The following COL25A1 variants were observed in gnomAD, a reference collection of about 807,000 sequenced individuals.
COL25A1 encodes the protein collagen alpha-1(XXV) chain.
In COL25A1, 103 loss-of-function variants were observed where a neutral mutation model predicts 128.4. The ratio of observed to expected loss-of-function variants is 0.80; its 90% CI spans 0.68 to 0.94. The LOEUF (loss-of-function observed/expected upper bound fraction) is 0.94. Among genes scored for constraint, COL25A1 ranks in the 40% least tolerant of loss-of-function variants. The pLI, the probability that COL25A1 is intolerant of heterozygous loss-of-function variation, is 0.00. For synonymous variants in COL25A1, 279 were observed against 277.2 expected (o/e 1.01, Z -0.06); for missense variants, 745 against 840.0 (o/e 0.89, Z 1.40).
intron 3 of COL25A1, among the ~76,000 whole-genome samples, chr4:109,165,684 T>A (rs1773003614): frequency 1.3e-5 from 2 of 152,150 alleles, no homozygotes; most frequent in Non-Finnish European, 2.9e-5. Flanking sequence ...GCCACTGCAC[T>A]CCAGCCTGAG....
intron 3 of COL25A1, among the ~76,000 whole-genome samples, chr4:109,251,750 T>C (rs1229933890): frequency 3.3e-5 from 5 of 152,230 alleles, no homozygotes; most frequent in East Asian, 1.9e-4. Context: ...ATTTTGCTAG[T>C]TGGTCACTAA....
intron 16 of COL25A1, among the ~76,000 whole-genome samples, chr4:108,892,122 T>G (rs1272023830): frequency 7.3e-6 from 1 of 137,688 alleles, no homozygotes; most frequent in African/African-American, 2.6e-5. Context: ...AAACAGTGTG[T>G]GTTTATAATC....
intron 32 of COL25A1, among the ~76,000 whole-genome samples, chr4:108,828,890 G>A (rs1159936418): frequency 4.6e-5 from 7 of 152,260 alleles, no homozygotes; most frequent in Middle Eastern, 3.4e-3. Context: ...CCAGATTCCC[G>A]TGTGAGCAAA....
At chr4:109,235,779 A>C (rs1263085269) in intron 3 of COL25A1, among the ~76,000 whole-genome samples, 1 of 152,146 alleles carries the variant, frequency 6.6e-6, no homozygotes, top group Non-Finnish European at 1.5e-5. Flanking sequence ...AATTAGGGCT[A>C]AGTGTAATGT....
intron 6 of COL25A1, among the ~76,000 whole-genome samples, chr4:108,991,004 C>A (rs1423839877): frequency 1.3e-5 from 2 of 152,102 alleles, no homozygotes; most frequent in Non-Finnish European, 2.9e-5. Flanking sequence ...TCATCAAATG[C>A]ATATAAAATT....
intron 3 of COL25A1, among the ~76,000 whole-genome samples, chr4:109,176,409 G>A (rs1238759957): frequency 6.6e-6 from 1 of 152,094 alleles, no homozygotes; most frequent in Admixed American, 6.6e-5. Flanking sequence ...CAAAGCTAGA[G>A]ATGAGACTTG....
intron 3 of COL25A1, among the ~76,000 whole-genome samples, chr4:109,190,395 G>A (rs1438358056): frequency 1.3e-5 from 2 of 152,120 alleles, no homozygotes; most frequent in African/African-American, 4.8e-5. Flanking sequence ...CATTCAGATT[G>A]AGGAAGGAAG....
At chr4:108,977,302 C>T (rs1752530047) in intron 6 of COL25A1, among the ~76,000 whole-genome samples, 1 of 152,070 alleles carries the variant, frequency 6.6e-6, no homozygotes, top group South Asian at 2.1e-4. Context: ...TATCTCTTAC[C>T]CCCAAAATCA....
chr4:109,099,178 C>T (rs1026325882), intron 3 of COL25A1, among the ~76,000 whole-genome samples: 7 of 152,140 alleles, frequency 4.6e-5, no homozygotes, highest in Non-Finnish European at 8.8e-5. Flanking sequence ...AAAATCAAAA[C>T]CATAAACCTG....
At chr4:109,005,947 C>T (rs1480012904) in intron 6 of COL25A1, among the ~76,000 whole-genome samples, 1 of 151,908 alleles carries the variant, frequency 6.6e-6, no homozygotes, top group Non-Finnish European at 1.5e-5. Flanking sequence ...CAAATTTTGA[C>T]ATTTTAGGTC....
At chr4:108,820,397 C>T (rs1476050233) in intron 35 of COL25A1, among the ~76,000 whole-genome samples, 1 of 152,178 alleles carries the variant, frequency 6.6e-6, no homozygotes, top group Non-Finnish European at 1.5e-5. Context: ...TGAAATGTAT[C>T]CAACTTTATG....
chr4:109,195,293 C>T (rs952660172), intron 3 of COL25A1, among the ~76,000 whole-genome samples: 1 of 152,146 alleles, frequency 6.6e-6, no homozygotes, highest in African/African-American at 2.4e-5. Context: ...GATCTGCTGA[C>T]CTCCAGCTGA....
intron 5 of COL25A1, among the ~76,000 whole-genome samples, chr4:109,026,187 T>G (rs2125908676): frequency 6.6e-6 from 1 of 151,362 alleles, no homozygotes; most frequent in South Asian, 2.1e-4. Context: ...TCACCTGGGT[T>G]AAGAACCCCT....
Position 108,812,382 on chromosome 4 carries a change from G to T in COL25A1, c.*1545C>A, listed in dbSNP as rs1730863750. ...TATTACCAAATGTGACAAAATCTTG[G>T]CTTTATATTAACTGATAATCTCCAT... On this transcript the variant is annotated 3_prime_UTR_variant, in exon 38 of 38. Transcript: ENST00000399132. The T allele has an allele frequency of 6.6e-6, 1 of 151,964 alleles. No homozygotes were observed. The highest frequency in any genetic ancestry group is 6.6e-5 in the Admixed American group (1 of 15,258). The allele number at this position is 151,964 out of a possible 1,614,324, so 9.4% of individuals were successfully genotyped here.
Position 109,093,684 on chromosome 4 carries a change from A to G in COL25A1, c.368-43505T>C, listed in dbSNP as rs1310745498. On this transcript the variant is annotated intron_variant, in intron 3 of 37. Transcript: ENST00000399132. ...TACACACAGCCAAAATGTGGGTTTT[A>G]AAGTAAAATACTGTAGTTCAAGGAC... Among the ~76,000 whole-genome samples the G allele has an allele frequency of 2.6e-5, 4 of 152,124 alleles. No individual in the cohort carries two copies. In the East Asian group the frequency reaches 7.7e-4, roughly 29 times the overall value.
At chr4:108,875,160 T>A (rs1441910651) in intron 19 of COL25A1, among the ~76,000 whole-genome samples, 1 of 152,168 alleles carries the variant, frequency 6.6e-6, no homozygotes, top group East Asian at 1.9e-4. Context: ...GGCAAGGACT[T>A]CATGACTAAA....
chr4:109,214,775 CAAAGATGCCAA>C (rs1777856440), intron 3 of COL25A1, among the ~76,000 whole-genome samples: 3 of 151,996 alleles, frequency 2.0e-5, no homozygotes, highest in Admixed American at 1.3e-4. Context: ...TAGTCTGAGT[CAAAGATGCCAA>C]AAAGATGCCA....
chr4:109,054,925 T>C (rs1258861391), intron 3 of COL25A1, among the ~76,000 whole-genome samples: 2 of 152,114 alleles, frequency 1.3e-5, no homozygotes, highest in Non-Finnish European at 2.9e-5. Flanking sequence ...TGCAGCTGGC[T>C]CTTGGGAGGG....
At chr4:109,119,023 A>G (rs1315011494) in intron 3 of COL25A1, among the ~76,000 whole-genome samples, 1 of 152,008 alleles carries the variant, frequency 6.6e-6, no homozygotes, top group Non-Finnish European at 1.5e-5. Context: ...GTTTGCTGGC[A>G]GATAACAATG....
Sources: gnomAD v4.1 joint callset for allele counts (sites outside exome capture counted in the v4.1 genomes callset) on GRCh38, gnomAD v4.1.1 for gene constraint, MANE v1.5 for transcripts, NCBI Gene and HGNC (gene_info 2026-07-23, HGNC 2026-07-21) for gene names.